Variants in MROH2B observed in about 807,000 individuals in gnomAD.
MROH2B encodes maestro heat-like repeat-containing protein family member 2B.
Under a neutral mutation model 208.6 loss-of-function variants are expected in MROH2B, and 177 were observed. The ratio of observed to expected loss-of-function variants is 0.85; its 90% confidence interval spans 0.75 to 0.96. MROH2B has a LOEUF of 0.96. Ranked by LOEUF, MROH2B falls within the 40% of genes least tolerant of loss-of-function variation. MROH2B has a pLI of 0.00. For synonymous variants in MROH2B, 728 were observed against 659.0 expected, an observed-to-expected ratio of 1.10 and a Z score of -1.60; for missense variants, 2,002 against 1,878.7, an observed-to-expected ratio of 1.07 and a Z score of -1.21.
intron 24 of MROH2B, among the ~76,000 whole-genome samples, chr5:41,028,811 C>T (rs79961861): frequency 0.024 from 3,706 of 152,088 alleles, 160 homozygotes; most frequent in African/African-American, 0.083. Context: ...ATTTAAAAAG[C>T]CATAGGGGTA....
chr5:41,000,466 C>T, intron 38 of MROH2B, 115 bp from the exon 39 acceptor site: 2 of 1,413,664 alleles, frequency 1.4e-6, no homozygotes, highest in Non-Finnish European at 1.9e-6. Context: ...GTGTGAATGG[C>T]TTTATAGTCA....
At position 41,057,280 on chromosome 5, in the gene MROH2B, A is replaced by G; in HGVS notation, c.837T>C (p.Asn279=). 6.2e-7 allele frequency: 1 copy of G among 1,601,092 alleles called. No individual in the cohort carries two copies. The highest frequency in any genetic ancestry group is 8.5e-7 in the Non-Finnish European group (1 of 1,173,226). ...ATGGTCTTCTTACCTGCTGGAGTAAATTGATAAAGATGGATCTTCTCAAGC... is the reference window on the plus strand; with the variant it reads ...ATGGTCTTCTTACCTGCTGGAGTAAGTTGATAAAGATGGATCTTCTCAAGC... ...PRSLRRSIFI[N]LLQQICRAPE... is the part of the protein sequence containing the mutation. The change falls in exon 8 of 42, where the codon AAT becomes AAC. Residue 279 remains asparagine (N), a synonymous_variant. Coordinates refer to ENST00000399564, the MANE Select transcript of MROH2B (RefSeq NM_173489.5).
chr5:41,004,424 G>T lies in MROH2B; in HGVS notation c.4116C>A (p.Ile1372=). Reference sequence around the variant, plus strand: ...CGTCTCGGTCTGTCAGCAGCTCCAGGATTTTTTTTAGAGCCTTCAAGCTTT... The same window carrying T: ...CGTCTCGGTCTGTCAGCAGCTCCAGTATTTTTTTTAGAGCCTTCAAGCTTT... The part of the protein sequence containing the change: ...VCESLKALKK[I]LELLTDRDVS... Residue 1372 remains isoleucine (I), a synonymous_variant, in exon 37 of 42, where the codon ATC becomes ATA. Transcript: ENST00000399564. 6.2e-7 allele frequency: 1 copy of T among 1,613,974 alleles called. No homozygotes were observed. The highest frequency in any genetic ancestry group is 2.2e-5 in the East Asian group (1 of 44,876).
chr5:41,018,800 T>C lies in MROH2B; in HGVS notation c.2578-14A>G, dbSNP rs752086520. The C allele has an allele frequency of 7.4e-6, 12 of 1,613,368 alleles. No homozygotes were observed. The South Asian group carries it at 8.8e-5, about 12-fold the overall frequency. On this transcript the variant is annotated splice_polypyrimidine_tract_variant and intron_variant, in intron 25 of 41. Coordinates refer to ENST00000399564, the MANE Select transcript of MROH2B (RefSeq NM_173489.5). ...TTCATAGAGAAACTGAAATCAAATA[T>C]GTGTGTGTGAGTCTCAGGCTGGGGT...
intron 6 of MROH2B, among the ~76,000 whole-genome samples, chr5:41,061,261 T>C (rs534298630): frequency 2.0e-5 from 3 of 152,358 alleles, no homozygotes; most frequent in African/African-American, 7.2e-5. Context: ...TTTATCTTAT[T>C]GATTGTTCTT....
At chr5:41,040,758 T>C (rs1742920268) in intron 19 of MROH2B, among the ~76,000 whole-genome samples, 1 of 152,104 alleles carries the variant, frequency 6.6e-6, no homozygotes. Flanking sequence ...CCTCCCCTCC[T>C]GGGTTCACGC....
chr5:41,008,934 A>T (rs1021786758), intron 32 of MROH2B, 141 bp from the exon 33 acceptor site: 1 of 870,446 alleles, frequency 1.1e-6, no homozygotes, highest in Non-Finnish European at 1.7e-6. Flanking sequence ...AAATTTCTCA[A>T]CTCAGGGCCT....
Position 41,017,873 on chromosome 5 carries a change from G to T in MROH2B, c.2861C>A (p.Thr954Asn). The part of the protein sequence containing the change: ...PTIRQAAASS[T>N]IGLFYIKGIH... ...ACCTTTTATATAGAACAGACCAATA[G>T]TTGAGCTAGCAGCCGCCTGACGGAT... Residue 954 changes from threonine to asparagine, a missense_variant, in exon 28 of 42, where the codon ACT (threonine) becomes AAT (asparagine). Transcript: ENST00000399564. 6.3e-7 allele frequency: 1 copy of T among 1,595,574 alleles called. No individual in the cohort carries two copies. Among genetic ancestry groups the T allele is most frequent in the Middle Eastern group, 1.9e-4 (1 of 5,274 alleles).
intron 7 of MROH2B, among the ~76,000 whole-genome samples, 195 bp from the exon 8 acceptor site, chr5:41,057,555 T>C (rs1248654517): frequency 7.7e-6 from 1 of 130,590 alleles, no homozygotes; most frequent in Non-Finnish European, 1.6e-5. Flanking sequence ...AATGAACGAA[T>C]ATCCCTCCTT....
chr5:41,030,709 C>T (rs1038230796), intron 24 of MROH2B, among the ~76,000 whole-genome samples: 1 of 152,004 alleles, frequency 6.6e-6, no homozygotes, highest in African/African-American at 2.4e-5. Context: ...CACTACATTA[C>T]CTGATTTATA....
At chr5:41,035,453 G>A (rs1400723626) in intron 21 of MROH2B, among the ~76,000 whole-genome samples, 1 of 151,998 alleles carries the variant, frequency 6.6e-6, no homozygotes, top group Non-Finnish European at 1.5e-5. Context: ...GTAGATTAAA[G>A]ATTTAATTGA....
intron 17 of MROH2B, 142 bp from the exon 18 acceptor site, chr5:41,045,995 C>A (rs966093368): frequency 2.2e-6 from 1 of 446,546 alleles, no homozygotes; most frequent in Non-Finnish European, 3.8e-6. Flanking sequence ...CTAATTCCTT[C>A]GAAACTTTCC....
intron 39 of MROH2B, 170 bp downstream of exon 39, chr5:41,000,050 G>A (rs1530812): frequency 0.51 from 435,638 of 861,718 alleles, 110,972 homozygotes; most frequent in South Asian, 0.62. Context: ...AGGGTCCTGT[G>A]GCAGGATACC....
intron 29 of MROH2B, among the ~76,000 whole-genome samples, chr5:41,013,201 C>A (rs1307979102): frequency 6.6e-6 from 1 of 152,160 alleles, no homozygotes; most frequent in Non-Finnish European, 1.5e-5. Context: ...AGGTGGTGGA[C>A]AGTGTACATA....
intron 18 of MROH2B, among the ~76,000 whole-genome samples, chr5:41,043,406 C>T (rs566255700): frequency 8.5e-4 from 130 of 152,266 alleles, no homozygotes; most frequent in African/African-American, 3.0e-3. Context: ...GACAAAGCTG[C>T]TAAAGTCTAT....
chr5:41,051,930 A>C (rs1743296862), intron 12 of MROH2B, among the ~76,000 whole-genome samples: 1 of 152,222 alleles, frequency 6.6e-6, no homozygotes, highest in Admixed American at 6.5e-5. Context: ...GCAAAGGGTT[A>C]GAACCCTAAT....
chr5:41,022,820 G>T (rs1011357641), intron 24 of MROH2B, among the ~76,000 whole-genome samples: 1 of 152,156 alleles, frequency 6.6e-6, no homozygotes, highest in Non-Finnish European at 1.5e-5. Flanking sequence ...CATCTCACAC[G>T]ATCAGGTACG....
rs1262203962 is a variant in MROH2B, at chr5:40,998,855, C to G, written c.4586-178G>C. On this transcript the variant is annotated intron_variant, in intron 40 of 41. Coordinates refer to ENST00000399564, the MANE Select transcript of MROH2B (RefSeq NM_173489.5). ...TGTCAGGGTGACTTCTATTGGGTCC[C>G]GAGTGCCATGTCTGCAAGTAGTCAC... Among the ~76,000 whole-genome samples, 6 of 152,248 alleles carry G rather than the reference C, an allele frequency of 3.9e-5. No homozygotes were observed. The East Asian group carries it at 7.7e-4, about 20-fold the overall frequency.
At chr5:41,005,234 GC>G in intron 35 of MROH2B, 1 of 522,768 alleles carries the variant, frequency 1.9e-6, no homozygotes, top group South Asian at 3.1e-5. Context: ...TAGTCTTCAG[GC>G]CGGAATTTGA....
Sources: allele counts gnomAD v4.1 joint callset (sites outside exome capture counted in the v4.1 genomes callset), GRCh38; gene constraint gnomAD v4.1.1; transcripts MANE v1.5; gene names NCBI Gene and HGNC (gene_info 2026-07-23, HGNC 2026-07-21).